Variants in HIPK3 observed in about 807,000 individuals in gnomAD.
The protein encoded by HIPK3 is homeodomain interacting protein kinase 3.
In HIPK3, 47 loss-of-function variants were observed where a neutral mutation model predicts 124.2. The observed-to-expected ratio is 0.38, with a 90% confidence interval of 0.30 to 0.48. HIPK3 has a LOEUF of 0.48. Among genes scored for constraint, HIPK3 ranks in the 20% least tolerant of loss-of-function variants. The pLI is 0.98. For missense variants in HIPK3, 1,286 were observed against 1,454.3 expected (o/e 0.88, Z 1.88); for synonymous variants, 482 against 515.2 (o/e 0.94, Z 0.87).
intron 15 of HIPK3, 100 bp downstream of exon 15, chr11:33,351,943 C>A: frequency 1.8e-6 from 2 of 1,097,514 alleles, no homozygotes; most frequent in South Asian, 1.5e-5. Context: ...TGAATTTTGA[C>A]TTGACCCTGC....
At chr11:33,351,579 C>A in intron 14 of HIPK3, 29 bp from the exon 15 acceptor site, 3 of 1,500,154 alleles carry the variant, frequency 2.0e-6, no homozygotes, top group Non-Finnish European at 2.8e-6. Context: ...AAAAAAATAT[C>A]ACTCATAAAA....
At chr11:33,275,159 C>T (rs1342631501) in intron 1 of HIPK3, among the ~76,000 whole-genome samples, 1 of 152,060 alleles carries the variant, frequency 6.6e-6, no homozygotes, top group Non-Finnish European at 1.5e-5. Context: ...CCTGCCTCAG[C>T]CTCCTGAGTA....
intron 2 of HIPK3, among the ~76,000 whole-genome samples, chr11:33,314,204 A>G (rs181065728): frequency 1.4e-3 from 219 of 152,348 alleles, no homozygotes; most frequent in South Asian, 7.9e-3. Context: ...CTCAGACTGC[A>G]TAGGTTTGTA....
Position 33,257,557 on chromosome 11 carries a change from T to G in HIPK3, c.-335T>G. On this transcript the variant is annotated 5_prime_UTR_variant, in exon 1 of 17. Coordinates refer to ENST00000303296, the MANE Select transcript of HIPK3 (RefSeq NM_005734.5). ...ACCCTGCGTCGCCCGTAGGCCCCAG[T>G]AGCCGGAGGCCGACCGGCCTCCCAC... 2 of 985,582 alleles carry G rather than the reference T, an allele frequency of 2.0e-6. No individual in the cohort carries two copies. Among genetic ancestry groups the G allele is most frequent in the Non-Finnish European group, 1.2e-6 (1 of 830,060 alleles). The allele number at this position is 985,582 out of a possible 1,614,324, so 61.1% of individuals were successfully genotyped here.
intron 3 of HIPK3, among the ~76,000 whole-genome samples, chr11:33,334,349 T>C (rs1314895445): frequency 1.3e-5 from 2 of 151,998 alleles, no homozygotes; most frequent in African/African-American, 2.4e-5. Context: ...GTTTGTCTTG[T>C]GGATTTGGTG....
rs183333017 is a variant in HIPK3, at chr11:33,338,264, T to C, written c.1342-493T>C. Among the ~76,000 whole-genome samples the C allele has an allele frequency of 2.0e-5, 3 of 152,242 alleles. No individual in the cohort carries two copies. In the East Asian group the frequency reaches 5.8e-4, roughly 29 times the overall value. ...TTATTGTATTTTTTGAGACAGAGTC[T>C]TACTCTGTTGCAAGGCTGGAGTGCA... is the stretch of plus-strand genomic sequence containing the variant. On this transcript the variant is annotated intron_variant, in intron 4 of 16. Coordinates refer to ENST00000303296, the MANE Select transcript of HIPK3 (RefSeq NM_005734.5).
upstream of HIPK3, chr11:33,257,213 G>C (rs969483487): frequency 8.1e-5 from 80 of 983,662 alleles, no homozygotes; most frequent in African/African-American, 1.4e-3. Flanking sequence ...GGGCGCGGCT[G>C]CGGACTGGCG....
chr11:33,309,556 G>A (rs996821548), intron 2 of HIPK3, among the ~76,000 whole-genome samples: 30 of 152,198 alleles, frequency 2.0e-4, no homozygotes, highest in Non-Finnish European at 4.4e-5. Context: ...TCAGCAAGTG[G>A]CTGCTTGACT....
intron 2 of HIPK3, among the ~76,000 whole-genome samples, chr11:33,303,678 G>C (rs562566047): frequency 6.6e-6 from 1 of 152,136 alleles, no homozygotes; most frequent in Admixed American, 6.5e-5. Flanking sequence ...GCATTTTCCT[G>C]TGAATGGAAT....
At chr11:33,315,053 G>A (rs987539346) in intron 2 of HIPK3, among the ~76,000 whole-genome samples, 5 of 152,126 alleles carry the variant, frequency 3.3e-5, no homozygotes, top group African/African-American at 1.2e-4. Flanking sequence ...TATGAGCTGT[G>A]ATAATCATAC....
chr11:33,326,598 G>A (rs1042051291), intron 2 of HIPK3, among the ~76,000 whole-genome samples: 1 of 152,092 alleles, frequency 6.6e-6, no homozygotes, highest in African/African-American at 2.4e-5. Context: ...GTGTCAGAAA[G>A]CAAAGAAATA....
At chr11:33,270,977 C>T (rs1405710023) in intron 1 of HIPK3, among the ~76,000 whole-genome samples, 1 of 152,094 alleles carries the variant, frequency 6.6e-6, no homozygotes, top group Non-Finnish European at 1.5e-5. Flanking sequence ...GATTGCTATA[C>T]TGAAATTTAA....
At chr11:33,333,974 C>T (rs1394985854) in intron 3 of HIPK3, among the ~76,000 whole-genome samples, 3 of 152,086 alleles carry the variant, frequency 2.0e-5, no homozygotes, top group Admixed American at 1.3e-4. Flanking sequence ...ACTCTTAGTA[C>T]TTTTTCCTTC....
At chr11:33,297,260 A>G (rs1187532446) in intron 2 of HIPK3, among the ~76,000 whole-genome samples, 2 of 151,934 alleles carry the variant, frequency 1.3e-5, no homozygotes, top group African/African-American at 4.8e-5. Flanking sequence ...CGCCTGGCTA[A>G]TTTTTGTATT....
chr11:33,347,284 GT>G lies in HIPK3; in HGVS notation c.1898-6del. 1 of 1,605,858 alleles carries G rather than the reference GT, an allele frequency of 6.2e-7. No individual in the cohort carries two copies. Among genetic ancestry groups the G allele is most frequent in the Non-Finnish European group, 8.5e-7 (1 of 1,175,118 alleles). On this transcript the variant is annotated splice_region_variant and splice_polypyrimidine_tract_variant and intron_variant, in intron 8 of 16. Transcript: ENST00000303296. ...TTTTCTTTTATTTGATAACTATTCT[GT>G]TTCACAGGTATTCCTGCAACACATG...
intron 3 of HIPK3, among the ~76,000 whole-genome samples, chr11:33,329,337 C>T (rs1852904344): frequency 6.6e-6 from 1 of 151,980 alleles, no homozygotes; most frequent in African/African-American, 2.4e-5. Flanking sequence ...ATAGAAAATG[C>T]TAGTCAAAAT....
intron 1 of HIPK3, among the ~76,000 whole-genome samples, chr11:33,274,617 G>A (rs1176861228): frequency 6.6e-6 from 1 of 152,104 alleles, no homozygotes; most frequent in Non-Finnish European, 1.5e-5. Context: ...TTTGTCTTTA[G>A]TCAACCTTTC....
chr11:33,353,636 A>G lies in HIPK3; in HGVS notation c.*68A>G. The G allele has an allele frequency of 9.5e-7, 1 of 1,057,842 alleles. No homozygotes were observed. Among genetic ancestry groups the G allele is most frequent in the Non-Finnish European group, 1.4e-6 (1 of 705,134 alleles). 65.5% of individuals were successfully genotyped at this position (1,057,842 alleles called of 1,614,324 possible). A position where few individuals can be genotyped will look rare whatever the true frequency, so the allele number is the denominator to read the frequency against. Reference sequence around the variant, plus strand: ...TAAAAATAAAAACATGGTATTTAATATTAGCCATGGCACAAGAAAATTATT... The same window carrying G: ...TAAAAATAAAAACATGGTATTTAATGTTAGCCATGGCACAAGAAAATTATT... On this transcript the variant is annotated 3_prime_UTR_variant, in exon 17 of 17. Transcript: ENST00000303296.
At chr11:33,256,703 G>A, upstream of HIPK3, 3 of 984,252 alleles carry the variant, frequency 3.0e-6, no homozygotes, top group Non-Finnish European at 3.6e-6. Context: ...AAAGAAACTA[G>A]TCTTTGGGAG....
Sources: allele counts gnomAD v4.1 joint callset (sites outside exome capture counted in the v4.1 genomes callset), GRCh38; gene constraint gnomAD v4.1.1; transcripts MANE v1.5; gene names NCBI Gene and HGNC (gene_info 2026-07-23, HGNC 2026-07-21).